The following GABRG2 variants were observed in gnomAD, a reference collection of about 807,000 sequenced individuals.
GABRG2 encodes gamma-aminobutyric acid type A receptor subunit gamma2, also known as gamma-aminobutyric acid receptor subunit gamma-2.
GABRG2 carries 16 observed loss-of-function variants against 56.4 expected under a neutral mutation model. The observed-to-expected ratio is 0.28, with a 90% CI of 0.19 to 0.43. The LOEUF (loss-of-function observed/expected upper bound fraction) is 0.43, where lower values mean the gene tolerates loss of function less well. Ranked by LOEUF, GABRG2 falls within the 20% of genes least tolerant of loss-of-function variation. GABRG2 has a pLI of 1.00. For missense variants in GABRG2, 327 were observed against 582.7 expected, an observed-to-expected ratio of 0.56 and a Z score of 4.52; for synonymous variants, 208 against 205.5, an observed-to-expected ratio of 1.01 and a Z score of -0.10.
chr5:162,147,351 G>GTC lies in GABRG2; in HGVS notation c.923-1751_923-1750dup, dbSNP rs1230270859. Among the ~76,000 whole-genome samples, 4 of 126,772 alleles carry GTC rather than the reference G, an allele frequency of 3.2e-5. No homozygotes were observed. The East Asian group carries it at 9.0e-4, about 28-fold the overall frequency. 83.2% of individuals were successfully genotyped at this position (126,772 alleles called of 152,430 possible). A position where few individuals can be genotyped will look rare whatever the true frequency, so the allele number is the denominator to read the frequency against. ...CTTTCCTTCCCTCCTTCCTTCCTCTGTCTCTCTTTCTGTCTGTCTGTCTTT... is the reference window on the plus strand; with the variant it reads ...CTTTCCTTCCCTCCTTCCTTCCTCTGTCTCTCTCTTTCTGTCTGTCTGTCTTT... On this transcript the variant is annotated intron_variant, in intron 7 of 9. Coordinates refer to ENST00000639213, the MANE Select transcript of GABRG2 (RefSeq NM_198904.4).
At chr5:162,123,546 A>G (rs1239715624) in intron 6 of GABRG2, among the ~76,000 whole-genome samples, 6 of 151,900 alleles carry the variant, frequency 3.9e-5, no homozygotes, top group African/African-American at 1.2e-4. Context: ...GAGTTACAGC[A>G]AAAAGAAAAA....
chr5:162,152,517 G>A, intron 9 of GABRG2: 1 of 403,514 alleles, frequency 2.5e-6, no homozygotes, highest in Non-Finnish European at 4.9e-6. Context: ...GCTTATAGAT[G>A]GTGAATATTA....
In GABRG2 at chr5:162,098,082, A is replaced by T. The variant is rs73304548; in HGVS notation, c.548+224A>T. 2,882 of 562,590 alleles carry T rather than the reference A, an allele frequency of 5.1e-3. 65 individuals carry two copies. Among genetic ancestry groups the T allele is most frequent in the African/African-American group, 0.048 (2,572 of 53,172 alleles). 34.8% of individuals were successfully genotyped at this position (562,590 alleles called of 1,614,324 possible). A position where few individuals can be genotyped will look rare whatever the true frequency, so the allele number is the denominator to read the frequency against. ...TAATTATAGGCAAAGCTTATTTTCC[A>T]CAACTGCTGTGAAAACTATTTTTTG... On this transcript the variant is annotated intron_variant, in intron 4 of 9. Transcript: ENST00000639213.
At chr5:162,142,812 A>G (rs1561658813) in intron 7 of GABRG2, 2 of 244,608 alleles carry the variant, frequency 8.2e-6, no homozygotes, top group Non-Finnish European at 1.6e-5. Flanking sequence ...TGACGAGTTA[A>G]TGGGTGCAGC....
chr5:162,090,261 C>T (rs146885435), intron 1 of GABRG2, among the ~76,000 whole-genome samples: 15 of 151,804 alleles, frequency 9.9e-5, no homozygotes, highest in Middle Eastern at 6.8e-3. Context: ...TACACATACA[C>T]GTACACGTAC....
chr5:162,094,686 A>C (rs568421922), intron 2 of GABRG2: 1 of 152,656 alleles, frequency 6.6e-6, no homozygotes, highest in African/African-American at 2.4e-5. Flanking sequence ...AGGAGAAGGC[A>C]AGGATGTGAA....
intron 6 of GABRG2, among the ~76,000 whole-genome samples, chr5:162,139,179 T>G (rs528864331): frequency 6.6e-6 from 1 of 152,332 alleles, no homozygotes; most frequent in East Asian, 1.9e-4. Context: ...GGAATTAAAC[T>G]CATACATAAA....
Position 162,153,489 on chromosome 5 carries a change from C to A in GABRG2, c.*121C>A. ...TAATGATCTGAATCTGTTTCTATGT[C>A]CAAACCTGGTAAATTTTATAATGTC... On this transcript the variant is annotated 3_prime_UTR_variant, in exon 10 of 10. Transcript: ENST00000639213. 1 of 1,212,972 alleles carries A rather than the reference C, an allele frequency of 8.2e-7. No homozygotes were observed. The highest frequency in any genetic ancestry group is 1.2e-6 in the Non-Finnish European group (1 of 825,294). The allele number at this position is 1,212,972 out of a possible 1,614,324, so 75.1% of individuals were successfully genotyped here. A position where few individuals can be genotyped will look rare whatever the true frequency, so the allele number is the denominator to read the frequency against.
At chr5:162,083,057 C>T (rs1759789312) in intron 1 of GABRG2, among the ~76,000 whole-genome samples, 1 of 151,470 alleles carries the variant, frequency 6.6e-6, no homozygotes, top group Non-Finnish European at 1.5e-5. Flanking sequence ...AGAAAAATTT[C>T]CAGAATTATG....
chr5:162,110,456 T>A (rs889262859), intron 6 of GABRG2, among the ~76,000 whole-genome samples: 64 of 152,240 alleles, frequency 4.2e-4, no homozygotes, highest in African/African-American at 1.4e-3. Context: ...AAATGCTTCC[T>A]GAAATAGAGA....
upstream of GABRG2, chr5:162,067,548 T>A (rs769215750): frequency 3.3e-5 from 14 of 426,372 alleles, no homozygotes; most frequent in African/African-American, 2.9e-4. Context: ...TTATTTTAAA[T>A]ACACACACCC....
rs1765615213 is a variant in GABRG2 at position 162,155,000 on chromosome 5, A to G, written c.*1632A>G. ...TTTTCTAAAATAGCACCCTTTGTTA[A>G]TTATTTTTATGGAAATTATTACTCT... On this transcript the variant is annotated 3_prime_UTR_variant, in exon 10 of 10. Transcript: ENST00000639213. 1 of 152,134 alleles carries G rather than the reference A, an allele frequency of 6.6e-6. No individual in the cohort carries two copies. The highest frequency in any genetic ancestry group is 2.4e-5 in the African/African-American group (1 of 41,422). 9.4% of individuals were successfully genotyped at this position (152,134 alleles called of 1,614,324 possible). A position where few individuals can be genotyped will look rare whatever the true frequency, so the allele number is the denominator to read the frequency against.
At chr5:162,085,267 C>G (rs887783673) in intron 1 of GABRG2, among the ~76,000 whole-genome samples, 5 of 151,758 alleles carry the variant, frequency 3.3e-5, no homozygotes, top group African/African-American at 1.2e-4. Flanking sequence ...TTAAGTGGAA[C>G]GAGGTCATCA....
chr5:162,142,409 T>G (rs1487420610), intron 7 of GABRG2, 93 bp downstream of exon 7: 23 of 1,329,202 alleles, frequency 1.7e-5, no homozygotes, highest in Non-Finnish European at 2.2e-5. Context: ...TGCTTTAAAT[T>G]TAGCCTGCAA....
chr5:162,084,281 C>CAGAT (rs2113220371), intron 1 of GABRG2, among the ~76,000 whole-genome samples: 1 of 151,924 alleles, frequency 6.6e-6, no homozygotes, highest in African/African-American at 2.4e-5. Context: ...TGTACTAGAG[C>CAGAT]AGATGTCCCA....
At chr5:162,131,957 C>G (rs1763785406) in intron 6 of GABRG2, among the ~76,000 whole-genome samples, 1 of 150,528 alleles carries the variant, frequency 6.6e-6, no homozygotes, top group Non-Finnish European at 1.5e-5. Flanking sequence ...AATAGTAAAA[C>G]TTAGGTTTTG....
chr5:162,117,671 A>G (rs1283413645), intron 6 of GABRG2, among the ~76,000 whole-genome samples: 2 of 152,162 alleles, frequency 1.3e-5, no homozygotes, highest in African/African-American at 4.8e-5. Flanking sequence ...CCATATGGCT[A>G]GTTATGAGTA....
intron 6 of GABRG2, among the ~76,000 whole-genome samples, chr5:162,132,928 G>T (rs544744650): frequency 6.6e-6 from 1 of 151,910 alleles, no homozygotes; most frequent in African/African-American, 2.4e-5. Flanking sequence ...AAAACCTGTT[G>T]GTATGTAATT....
intron 6 of GABRG2, among the ~76,000 whole-genome samples, chr5:162,106,651 G>A (rs912249706): frequency 6.6e-6 from 1 of 152,122 alleles, no homozygotes; most frequent in South Asian, 2.1e-4. Flanking sequence ...TGTGGTAAAT[G>A]TATCTCCCTT....
Sources: allele counts gnomAD v4.1 joint callset (sites outside exome capture counted in the v4.1 genomes callset), GRCh38; gene constraint gnomAD v4.1.1; transcripts MANE v1.5; gene names NCBI Gene and HGNC (gene_info 2026-07-23, HGNC 2026-07-21).